The following OVCH1 variants were observed in gnomAD, a reference collection of about 807,000 sequenced individuals.
The protein encoded by OVCH1 is ovochymase-1.
In OVCH1, 139 loss-of-function variants were observed where a neutral mutation model predicts 138.4. The observed-to-expected ratio is 1.00, with a 90% confidence interval of 0.87 to 1.16. OVCH1 has a LOEUF of 1.16. Among genes scored for constraint, OVCH1 ranks in the 50% most tolerant of loss-of-function variants. The pLI, the probability that OVCH1 is intolerant of heterozygous loss-of-function variation, is 0.00. For synonymous variants in OVCH1, 453 were observed against 467.8 expected (o/e 0.97, Z 0.41); for missense variants, 1,367 against 1,357.9 (o/e 1.01, Z -0.11).
the OVCH1 span, among the ~76,000 whole-genome samples, chr12:29,403,699 T>C: frequency 1.3e-5 from 2 of 152,230 alleles, no homozygotes; most frequent in African/African-American, 4.8e-5. Flanking sequence ...ACGTGCCTGA[T>C]AAATAATCTC....
rs1046186388 is a variant in OVCH1, at chr12:29,465,886, G to A, written c.1857-667C>T. 4.0e-5 allele frequency among the ~76,000 whole-genome samples: 6 copies of A among 151,802 alleles called. No homozygotes were observed. The East Asian group carries it at 1.2e-3, about 29-fold the overall frequency. On this transcript the variant is annotated intron_variant, in intron 16 of 27. Coordinates refer to ENST00000318184, the Ensembl canonical transcript of OVCH1. ...TGATAGACTGGATTAAGAAAATGTG[G>A]CACACATACACCATGGAATACTACA...
At position 29,491,686 on chromosome 12, in the gene OVCH1, T is replaced by C. The variant is rs1490135665; in HGVS notation, c.455-494A>G. 5.3e-5 allele frequency among the ~76,000 whole-genome samples: 8 copies of C among 152,292 alleles called. No individual in the cohort carries two copies. The East Asian group carries it at 1.5e-3, about 29-fold the overall frequency. On this transcript the variant is annotated intron_variant, in intron 4 of 27. Transcript: ENST00000318184. ...GTGGCTGAGGACTGATCACAATTGA[T>C]ATCCAAATCTTTAGAAAAAAGCCCA... is the stretch of plus-strand genomic sequence containing the variant.
chr12:29,487,401 GA>G, intron 7 of OVCH1: 2 of 251,822 alleles, frequency 7.9e-6, no homozygotes, highest in East Asian at 8.2e-5. Flanking sequence ...CATGCCAACT[GA>G]AAAAATGAAG....
rs1425259964 is a variant in OVCH1, at chr12:29,451,575, A to G, written c.2531-6T>C. 2 of 1,602,986 alleles carry G rather than the reference A, an allele frequency of 1.2e-6. No individual in the cohort carries two copies. Among genetic ancestry groups the G allele is most frequent in the South Asian group, 2.2e-5 (2 of 89,772 alleles). ...CTCTGCTTCAGAGCAACAACCTGCA[A>G]TTCAGAACACACAGACACCAGGGAC... On this transcript the variant is annotated splice_polypyrimidine_tract_variant and splice_region_variant and intron_variant, in intron 21 of 27. Coordinates refer to ENST00000318184, the Ensembl canonical transcript of OVCH1.
Position 29,495,542 on chromosome 12 carries a change from T to C in OVCH1, c.282-85A>G, listed in dbSNP as rs980806461. 7.4e-6 allele frequency: 9 copies of C among 1,215,430 alleles called. No individual in the cohort carries two copies. The Admixed American group carries it at 2.3e-4, about 31-fold the overall frequency. 75.3% of individuals were successfully genotyped at this position (1,215,430 alleles called of 1,614,324 possible). A position where few individuals can be genotyped will look rare whatever the true frequency, so the allele number is the denominator to read the frequency against. ...TTGATGTAATTAAATGAAAAGTGAT[T>C]AATGTATCTTTAAGCATCCCTGAGT... On this transcript the variant is annotated intron_variant, in intron 3 of 27. Transcript: ENST00000318184.
chr12:29,466,381 T>TGTTAAAAATGTTTAAA (rs1565591344), intron 16 of OVCH1, among the ~76,000 whole-genome samples: 1 of 151,952 alleles, frequency 6.6e-6, no homozygotes, highest in African/African-American at 2.4e-5. Context: ...AAAAAAAGAA[T>TGTTAAAAATGTTTAAA]ATGTTTAAAA....
At chr12:29,433,809 T>C in exon 27 of OVCH1, 1 of 1,407,456 alleles carries the variant, frequency 7.1e-7, no homozygotes, top group Non-Finnish European at 9.5e-7. Context: ...TCTTACATTA[T>C]CATACTAAAA....
chr12:29,473,152 AACTG>A (rs578194437), intron 14 of OVCH1, 49 bp from the exon 15 acceptor site: 20 of 1,334,346 alleles, frequency 1.5e-5, no homozygotes, highest in Middle Eastern at 3.6e-4. Flanking sequence ...AAGTTGCACT[AACTG>A]ACCCCACTTG....
At chr12:29,410,950 A>G (rs1261394579), downstream of OVCH1, among the ~76,000 whole-genome samples, 2 of 151,972 alleles carry the variant, frequency 1.3e-5, no homozygotes, top group South Asian at 2.1e-4. Flanking sequence ...AGGTACACCA[A>G]TCAGACATAG....
downstream of OVCH1, among the ~76,000 whole-genome samples, chr12:29,426,609 C>T (rs1020175433): frequency 6.6e-6 from 1 of 152,146 alleles, no homozygotes; most frequent in African/African-American, 2.4e-5. Context: ...GTCATATTTT[C>T]CATCTCCATA....
intron 22 of OVCH1, 43 bp downstream of exon 22, chr12:29,451,302 A>T: frequency 2.6e-6 from 4 of 1,522,822 alleles, no homozygotes; most frequent in Non-Finnish European, 3.6e-6. Flanking sequence ...GCCTACATGG[A>T]CCAAGACTCC....
chr12:29,468,370 G>C (rs1382156531), intron 16 of OVCH1, among the ~76,000 whole-genome samples: 2 of 152,144 alleles, frequency 1.3e-5, no homozygotes, highest in Non-Finnish European at 2.9e-5. Flanking sequence ...TGACTAACAA[G>C]TGGCTCACAA....
chr12:29,460,592 G>A (rs1332025449), intron 19 of OVCH1, among the ~76,000 whole-genome samples: 1 of 152,042 alleles, frequency 6.6e-6, no homozygotes, highest in East Asian at 1.9e-4. Context: ...CTCAAACTAT[G>A]GCTCAAGGGA....
At chr12:29,480,882 G>A (rs1942908419) in intron 8 of OVCH1, among the ~76,000 whole-genome samples, 1 of 152,144 alleles carries the variant, frequency 6.6e-6, no homozygotes, top group Admixed American at 6.5e-5. Context: ...GTCACTGACT[G>A]TGCAAATTGG....
chr12:29,451,482 C>T, exon 22 of OVCH1: 1 of 1,613,370 alleles, frequency 6.2e-7, no homozygotes, highest in Non-Finnish European at 8.5e-7. Context: ...CACCCAAGAA[C>T]ATTCCAGTCT....
At chr12:29,491,125 T>A (rs1372904041) in exon 5 of OVCH1, 2 of 1,613,658 alleles carry the variant, frequency 1.2e-6, no homozygotes, top group South Asian at 2.2e-5. Flanking sequence ...ATCCACTGGA[T>A]AAGCAAAGAA....
intron 3 of OVCH1, 46 bp downstream of exon 3, chr12:29,496,135 T>C: frequency 6.6e-7 from 1 of 1,505,518 alleles, no homozygotes; most frequent in Non-Finnish European, 9.1e-7. Context: ...GCCAGTCGCA[T>C]AGCCAGGAAT....
chr12:29,407,549 T>A (rs1940900218), downstream of OVCH1, among the ~76,000 whole-genome samples: 1 of 150,102 alleles, frequency 6.7e-6, no homozygotes, highest in Non-Finnish European at 1.5e-5. Flanking sequence ...CCCAGCACCA[T>A]TTATTAAATA....
chr12:29,466,643 G>A (rs1330778710), intron 16 of OVCH1, among the ~76,000 whole-genome samples: 1 of 152,170 alleles, frequency 6.6e-6, no homozygotes. Context: ...TACTAGTAAT[G>A]CAGTATTTTG....
Sources: allele counts gnomAD v4.1 joint callset (sites outside exome capture counted in the v4.1 genomes callset), GRCh38; gene constraint gnomAD v4.1.1; transcripts MANE v1.5; gene names NCBI Gene and HGNC (gene_info 2026-07-23, HGNC 2026-07-21).